Variants in DNAH11 observed in about 807,000 individuals in gnomAD.
DNAH11 encodes the protein dynein axonemal heavy chain 11, also known as axonemal beta dynein heavy chain 11.
DNAH11 carries 442 observed loss-of-function variants against 526.0 expected under a neutral mutation model. That is an observed-to-expected ratio of 0.84 (90% CI 0.78 to 0.91). DNAH11 has a LOEUF of 0.91. Ranked by LOEUF, DNAH11 falls within the 40% of genes least tolerant of loss-of-function variation. The probability of loss-of-function intolerance (pLI) is 0.00; values close to 1 mark genes in which losing one functional copy is unlikely to be tolerated. For missense variants in DNAH11, 6,989 were observed against 5,448.7 expected (o/e 1.28, Z -8.90); for synonymous variants, 2,461 against 1,935.9 (o/e 1.27, Z -7.12).
At chr7:21,827,856 A>G (rs369082828) in intron 65 of DNAH11, among the ~76,000 whole-genome samples, 10 of 152,296 alleles carry the variant, frequency 6.6e-5, no homozygotes, top group African/African-American at 2.2e-4. Context: ...ATGAGGACTT[A>G]GGTGAGATTT....
At chr7:21,898,682 T>C (rs1219579095) in intron 79 of DNAH11, among the ~76,000 whole-genome samples, 3 of 152,220 alleles carry the variant, frequency 2.0e-5, no homozygotes, top group African/African-American at 4.8e-5. Flanking sequence ...AGCTTCCTTA[T>C]AGGTCAACTG....
intron 63 of DNAH11, among the ~76,000 whole-genome samples, chr7:21,813,552 C>G (rs944631296): frequency 1.3e-5 from 2 of 152,142 alleles, no homozygotes; most frequent in Non-Finnish European, 2.9e-5. Flanking sequence ...AGGAAATTAC[C>G]CTTTTTTCTT....
chr7:21,894,356 A>G (rs1315430738), intron 77 of DNAH11, among the ~76,000 whole-genome samples: 1 of 152,206 alleles, frequency 6.6e-6, no homozygotes, highest in African/African-American at 2.4e-5. Context: ...ACTGCAAACA[A>G]CTGTAGCTCC....
chr7:21,827,840 A>G (rs1790375340), intron 65 of DNAH11, among the ~76,000 whole-genome samples: 1 of 152,164 alleles, frequency 6.6e-6, no homozygotes, highest in South Asian at 2.1e-4. Flanking sequence ...CTGTAGATCT[A>G]TTCAAATGAG....
intron 30 of DNAH11, among the ~76,000 whole-genome samples, chr7:21,676,831 C>G (rs986649925): frequency 1.3e-5 from 2 of 152,304 alleles, no homozygotes; most frequent in African/African-American, 4.8e-5. Context: ...TATCTTGACC[C>G]AGATGAGAAA....
At chr7:21,843,485 T>C (rs1026913336) in intron 66 of DNAH11, among the ~76,000 whole-genome samples, 5 of 149,302 alleles carry the variant, frequency 3.3e-5, no homozygotes, top group African/African-American at 1.2e-4. Flanking sequence ...TTTTTTTGTT[T>C]TTTTTTTTTT....
chr7:21,892,653 T>A lies in DNAH11; in HGVS notation c.12736T>A (p.Ser4246Thr). Reference protein sequence around the residue: ...NALSGDELGQSTEEKVKNVLD... With the variant: ...NALSGDELGQTTEEKVKNVLD... ...ACTCAGTGGTGATGAACTGGGGCAG[T>A]CTACAGAAGAAAAGGTAGAGGGTCT... is the stretch of plus-strand genomic sequence containing the variant. The change falls in exon 77 of 82, where the codon TCT becomes ACT. Residue 4246 changes from serine (S) to threonine (T), a missense_variant. By Grantham distance (58) the Ser-to-Thr change is moderately conservative (BLOSUM62 1). Transcript: ENST00000409508. 1 of 1,604,948 alleles carries A rather than the reference T, an allele frequency of 6.2e-7. No individual in the cohort carries two copies. The highest frequency in any genetic ancestry group is 1.7e-5 in the Admixed American group (1 of 57,940).
intron 37 of DNAH11, chr7:21,703,680 G>A (rs80021139): frequency 6.6e-6 from 1 of 151,948 alleles, no homozygotes; most frequent in Non-Finnish European, 1.5e-5. Context: ...ATGAGATTTG[G>A]GTGGGGACAC....
intron 7 of DNAH11, 75 bp downstream of exon 7, chr7:21,570,374 G>T: frequency 8.1e-7 from 1 of 1,228,534 alleles, no homozygotes; most frequent in African/African-American, 1.5e-5. Flanking sequence ...CATGATTCAT[G>T]GAACAGTTTA....
Position 21,816,635 on chromosome 7 carries a change from C to T in DNAH11, c.10501C>T (p.Gln3501Ter). Residue 3501 changes from glutamine (Q) to a stop codon, truncating the protein, a stop_gained, in exon 64 of 82, where the codon CAG becomes TAG. Transcript: ENST00000409508. LOFTEE classifies it high-confidence loss of function. ...RWPLVIDPQQ[Q>*]GIKWIKNKYG... Reference sequence around the variant, plus strand: ...GCCTCTGGTGATAGATCCCCAGCAACAGGGAATTAAGTGGATCAAGAATAA... The same window carrying T: ...GCCTCTGGTGATAGATCCCCAGCAATAGGGAATTAAGTGGATCAAGAATAA... The T allele has an allele frequency of 6.2e-7, 1 of 1,613,638 alleles. No individual in the cohort carries two copies. The highest frequency in any genetic ancestry group is 8.5e-7 in the Non-Finnish European group (1 of 1,179,788).
At chr7:21,612,863 T>C (rs1460771041) in intron 20 of DNAH11, among the ~76,000 whole-genome samples, 1 of 152,124 alleles carries the variant, frequency 6.6e-6, no homozygotes, top group Admixed American at 6.5e-5. Context: ...CATTAGAAAA[T>C]CAGTGTAATT....
chr7:21,829,014 A>G (rs1300285937), intron 65 of DNAH11, among the ~76,000 whole-genome samples: 3 of 152,128 alleles, frequency 2.0e-5, no homozygotes, highest in Admixed American at 6.5e-5. Context: ...GGTTTGACCA[A>G]CTTGCACAGC....
intron 2 of DNAH11, among the ~76,000 whole-genome samples, chr7:21,547,286 T>C (rs1782841518): frequency 6.6e-6 from 1 of 152,160 alleles, no homozygotes; most frequent in Non-Finnish European, 1.5e-5. Flanking sequence ...GACATTAAGT[T>C]TTAAAAGAAG....
chr7:21,641,458 C>T (rs1054506315), intron 28 of DNAH11, among the ~76,000 whole-genome samples: 3 of 152,268 alleles, frequency 2.0e-5, no homozygotes, highest in Admixed American at 2.0e-4. Context: ...ACTAACTGTC[C>T]TAACCCATGT....
rs2128433457 is a variant in DNAH11 at position 21,564,273 on chromosome 7, C to T, written c.1070C>T (p.Thr357Ile). 6.2e-7 allele frequency: 1 copy of T among 1,613,670 alleles called. No individual in the cohort carries two copies. The highest frequency in any genetic ancestry group is 1.1e-5 in the South Asian group (1 of 91,054). The change falls in exon 6 of 82, where the codon ACA becomes ATA. Residue 357 changes from threonine to isoleucine, a missense_variant. Transcript: ENST00000409508. ...CTCCAGGAGACGGAATTCCCACAGA[C>T]ACGCATATTAATCGCTCCATTATTT... ...QCLQETEFPQ[T>I]RILIAPLFHT...
chr7:21,629,216 A>G (rs1198319799), intron 25 of DNAH11, among the ~76,000 whole-genome samples: 1 of 152,110 alleles, frequency 6.6e-6, no homozygotes, highest in Non-Finnish European at 1.5e-5. Context: ...TGACATTTCT[A>G]AGGTTCCTCT....
intron 48 of DNAH11, 60 bp downstream of exon 48, chr7:21,739,733 C>T: frequency 7.6e-7 from 1 of 1,316,470 alleles, no homozygotes; most frequent in Non-Finnish European, 1.1e-6. Flanking sequence ...TTTTCGAGTA[C>T]AGCTTAGGAT....
At chr7:21,644,180 G>C (rs936431228) in intron 28 of DNAH11, among the ~76,000 whole-genome samples, 1 of 152,190 alleles carries the variant, frequency 6.6e-6, no homozygotes, top group East Asian at 1.9e-4. Context: ...AAAGGTGCTT[G>C]TGAGAAATGA....
chr7:21,591,800 T>A (rs1784697843), intron 14 of DNAH11, among the ~76,000 whole-genome samples: 1 of 152,206 alleles, frequency 6.6e-6, no homozygotes, highest in Non-Finnish European at 1.5e-5. Flanking sequence ...ATGTGAGATG[T>A]GTTGATTAAA....
Sources: gnomAD v4.1 joint callset for allele counts (sites outside exome capture counted in the v4.1 genomes callset) on GRCh38, gnomAD v4.1.1 for gene constraint, MANE v1.5 for transcripts, NCBI Gene and HGNC (gene_info 2026-07-23, HGNC 2026-07-21) for gene names.